Variants in CCNY observed in about 807,000 individuals in gnomAD.
CCNY encodes the protein cyclin-Y.
Under a neutral mutation model 42.8 loss-of-function variants are expected in CCNY, and 19 were observed. That is an observed-to-expected ratio of 0.44 (90% CI 0.31 to 0.65). The LOEUF is 0.65. CCNY is among the 30% of genes least tolerant of loss of function. CCNY has a pLI of 0.07. For missense variants in CCNY, 370 were observed against 437.3 expected (o/e 0.85, Z 1.37); for synonymous variants, 165 against 162.7 (o/e 1.01, Z -0.11).
intron 1 of CCNY, among the ~76,000 whole-genome samples, chr10:35,376,732 A>G (rs541990217): frequency 9.8e-5 from 15 of 152,340 alleles, no homozygotes; most frequent in Admixed American, 7.2e-4. Context: ...GAGGGAAGTA[A>G]TGATACCTGA....
intron 1 of CCNY, among the ~76,000 whole-genome samples, chr10:35,474,456 G>A (rs1164084478): frequency 2.0e-5 from 3 of 152,290 alleles, no homozygotes; most frequent in East Asian, 1.9e-4. Flanking sequence ...ATCTGGGAAC[G>A]GGCAGACTGC....
chr10:35,389,033 G>C (rs1418998892), intron 1 of CCNY, among the ~76,000 whole-genome samples: 1 of 152,168 alleles, frequency 6.6e-6, no homozygotes, highest in African/African-American at 2.4e-5. Flanking sequence ...TTTATAGTCA[G>C]TGGATTAACA....
At chr10:35,296,245 C>A (rs57183862) in intron 3 of CCNY, among the ~76,000 whole-genome samples, 25 of 152,206 alleles carry the variant, frequency 1.6e-4, no homozygotes, top group African/African-American at 5.8e-4. Flanking sequence ...GGAATTGTTT[C>A]TTTGGAAAAG....
At chr10:35,524,579 G>A (rs760922043) in intron 4 of CCNY, among the ~76,000 whole-genome samples, 1 of 152,184 alleles carries the variant, frequency 6.6e-6, no homozygotes. Flanking sequence ...TCAGAACACC[G>A]TCTGTTGCAG....
chr10:35,292,760 C>CTGTAAGAG (rs893629862), intron 3 of CCNY, among the ~76,000 whole-genome samples: 5 of 149,902 alleles, frequency 3.3e-5, no homozygotes, highest in African/African-American at 4.9e-5. Context: ...TAATGTTATC[C>CTGTAAGAG]TGTAAGAGTG....
chr10:35,516,480 AGCCCTGT>A (rs1332556529), intron 3 of CCNY, 36 bp from the exon 4 acceptor site: 2 of 1,321,308 alleles, frequency 1.5e-6, no homozygotes, highest in Non-Finnish European at 2.2e-6. Flanking sequence ...AAGAATTCTG[AGCCCTGT>A]GTAATTGCCT....
chr10:35,263,356 C>CAAAAAA (rs71523372), intron 3 of CCNY, among the ~76,000 whole-genome samples: 8 of 44,310 alleles, frequency 1.8e-4, no homozygotes, highest in Non-Finnish European at 2.5e-4. Context: ...GACTCCGTCT[C>CAAAAAA]AAAAAAAAAA....
At chr10:35,389,323 A>G (rs1837362595) in intron 1 of CCNY, among the ~76,000 whole-genome samples, 1 of 152,038 alleles carries the variant, frequency 6.6e-6, no homozygotes, top group African/African-American at 2.4e-5. Context: ...GAATCCTGGC[A>G]TTACCACAGC....
At chr10:35,506,333 C>G (rs1381600086) in intron 3 of CCNY, among the ~76,000 whole-genome samples, 1 of 152,158 alleles carries the variant, frequency 6.6e-6, no homozygotes, top group African/African-American at 2.4e-5. Flanking sequence ...TTCTCAGACC[C>G]CCTGTTCTGC....
rs1841637109 is a variant in CCNY at position 35,569,244 on chromosome 10, G to C, written c.*74G>C. 5 of 970,736 alleles carry C rather than the reference G, an allele frequency of 5.2e-6. No homozygotes were observed. The East Asian group carries it at 1.2e-4, about 23-fold the overall frequency. 60.1% of individuals were successfully genotyped at this position (970,736 alleles called of 1,614,324 possible). A position where few individuals can be genotyped will look rare whatever the true frequency, so the allele number is the denominator to read the frequency against. On this transcript the variant is annotated 3_prime_UTR_variant, in exon 10 of 10. Coordinates refer to ENST00000374704, the MANE Select transcript of CCNY (RefSeq NM_145012.6). ...TTTGAGAAAAGACAGACTTGGGGTG[G>C]GTTTGTTTTTGTTTTTTCTTTCCTT...
chr10:35,282,806 C>T (rs971659622), intron 3 of CCNY, among the ~76,000 whole-genome samples: 6 of 151,438 alleles, frequency 4.0e-5, no homozygotes, highest in Non-Finnish European at 8.8e-5. Context: ...TTGTTCTGTA[C>T]TCGCAATGAA....
chr10:35,335,857 A>G (rs1395479732), upstream of CCNY: 1 of 142,452 alleles, frequency 7.0e-6, no homozygotes, highest in Non-Finnish European at 1.5e-5. Context: ...TACTTTGGAG[A>G]CACACACACA....
rs546463636 is a variant in CCNY, at chr10:35,406,878, G to A, written c.154+69671G>A. 4.4e-4 allele frequency among the ~76,000 whole-genome samples: 66 copies of A among 151,636 alleles called. No homozygotes were observed. In the East Asian group the frequency reaches 7.4e-3, roughly 17 times the overall value. On this transcript the variant is annotated intron_variant, in intron 1 of 9. Coordinates refer to ENST00000374704, the MANE Select transcript of CCNY (RefSeq NM_145012.6). The stretch of plus-strand genomic sequence containing the variant: ...GGGGGGCTGACCCCCCCCCACCTCC[G>A]TCCCCGTCGGGGCGGCCGGCCAGGC...
intron 2 of CCNY, among the ~76,000 whole-genome samples, chr10:35,488,400 C>T (rs183103188): frequency 4.6e-5 from 7 of 152,264 alleles, no homozygotes; most frequent in South Asian, 2.1e-4. Context: ...ACTGCCCTGT[C>T]GGGATTGCTT....
At chr10:35,381,675 C>G (rs1162747959) in intron 1 of CCNY, among the ~76,000 whole-genome samples, 1 of 151,964 alleles carries the variant, frequency 6.6e-6, no homozygotes, top group Non-Finnish European at 1.5e-5. Flanking sequence ...GCATTCATTT[C>G]CAGAGTAACT....
intron 1 of CCNY, among the ~76,000 whole-genome samples, chr10:35,404,971 A>G (rs1469703352): frequency 6.6e-6 from 1 of 152,132 alleles, no homozygotes; most frequent in Non-Finnish European, 1.5e-5. Context: ...AAGGAATAGT[A>G]AAGAAAGCAT....
chr10:35,510,851 A>T (rs917617288), intron 3 of CCNY, among the ~76,000 whole-genome samples: 3 of 152,190 alleles, frequency 2.0e-5, no homozygotes, highest in Non-Finnish European at 4.4e-5. Context: ...GGCTGTCCTG[A>T]TCAAGCCAGG....
rs766200775 is a variant in CCNY, at chr10:35,501,484, A to G, written c.230-17A>G. ...TGCAGGCATATAACATTTCTGTTGC[A>G]TCTTTTGTTTTCACAGTGAGAGAAA... On this transcript the variant is annotated splice_polypyrimidine_tract_variant and intron_variant, in intron 2 of 9. Transcript: ENST00000374704. 9.9e-6 allele frequency: 16 copies of G among 1,612,824 alleles called. No homozygotes were observed. Among genetic ancestry groups the G allele is most frequent in the Non-Finnish European group, 1.4e-5 (16 of 1,178,764 alleles).
At chr10:35,344,910 A>AT (rs1244136458) in intron 1 of CCNY, among the ~76,000 whole-genome samples, 2 of 152,154 alleles carry the variant, frequency 1.3e-5, no homozygotes, top group Admixed American at 6.6e-5. Context: ...TGAACTCATC[A>AT]TTTTTTATGG....
Sources: gnomAD v4.1 joint callset for allele counts (sites outside exome capture counted in the v4.1 genomes callset) on GRCh38, gnomAD v4.1.1 for gene constraint, MANE v1.5 for transcripts, NCBI Gene and HGNC (gene_info 2026-07-23, HGNC 2026-07-21) for gene names.